CEP162: variants seen among roughly 807,000 people sequenced by gnomAD.
CEP162 encodes centrosomal protein 162.
Under a neutral mutation model 169.2 loss-of-function variants are expected in CEP162, and 141 were observed. The ratio of observed to expected loss-of-function variants is 0.83; its 90% CI spans 0.73 to 0.96. The LOEUF is 0.96. Ranked by LOEUF, CEP162 falls within the 40% of genes least tolerant of loss-of-function variation. CEP162 has a pLI of 0.00. For missense variants in CEP162, 1,600 were observed against 1,587.2 expected (o/e 1.01, Z -0.14); for synonymous variants, 540 against 526.4 (o/e 1.03, Z -0.35).
chr6:84,146,126 T>C (rs1259132016), intron 25 of CEP162, among the ~76,000 whole-genome samples: 2 of 152,108 alleles, frequency 1.3e-5, no homozygotes, highest in African/African-American at 4.8e-5. Context: ...TGTTTTCCTC[T>C]TCCTTTGCCA....
chr6:84,171,775 T>C (rs2099530241), intron 16 of CEP162, 57 bp from the exon 17 acceptor site: 4 of 667,622 alleles, frequency 6.0e-6, no homozygotes, highest in Non-Finnish European at 9.5e-6. Context: ...TTATATAACA[T>C]AATATATGTG....
intron 9 of CEP162, among the ~76,000 whole-genome samples, chr6:84,198,902 T>C (rs551260788): frequency 6.6e-6 from 1 of 152,324 alleles, no homozygotes; most frequent in African/African-American, 2.4e-5. Context: ...AACATTATAA[T>C]AGAACCTAAT....
Position 84,149,687 on chromosome 6 carries a change from C to A in CEP162, c.3646G>T (p.Ala1216Ser). The A allele has an allele frequency of 6.4e-7, 1 of 1,558,858 alleles. No individual in the cohort carries two copies. The highest frequency in any genetic ancestry group is 8.7e-7 in the Non-Finnish European group (1 of 1,152,324). Reference protein sequence around the residue: ...NSMRRVKEDTAAHIASLKASH... With the variant: ...NSMRRVKEDTSAHIASLKASH... ...GCTTTGAGGGATGCAATGTGTGCTG[C>A]AGTATCTTCCTTGACCCTACAGAGC... is the stretch of plus-strand genomic sequence containing the variant. The change falls in exon 24 of 27, where the codon GCA becomes TCA. Residue 1216 changes from alanine (A) to serine (S), a missense_variant. Ala to Ser is a moderately conservative substitution (Grantham distance 99). Transcript: ENST00000403245.
intron 11 of CEP162, among the ~76,000 whole-genome samples, chr6:84,191,563 T>C (rs73750540): frequency 0.012 from 1,872 of 152,284 alleles, 47 homozygotes; most frequent in African/African-American, 0.042. Flanking sequence ...GGTGAGGAAG[T>C]ATATAACCCT....
chr6:84,183,743 A>G (rs2127710361), intron 13 of CEP162, among the ~76,000 whole-genome samples: 1 of 152,264 alleles, frequency 6.6e-6, no homozygotes, highest in East Asian at 1.9e-4. Flanking sequence ...CTGTTTTACT[A>G]AGTACACTTG....
chr6:84,135,357 G>A (rs2129188179), intron 25 of CEP162, among the ~76,000 whole-genome samples: 1 of 152,298 alleles, frequency 6.6e-6, no homozygotes, highest in East Asian at 1.9e-4. Context: ...GGTGAGTGAA[G>A]ATGCTTTCTT....
Position 84,124,664 on chromosome 6 carries a change from C to A in CEP162, c.*406G>T. On this transcript the variant is annotated 3_prime_UTR_variant, in exon 27 of 27. Coordinates refer to ENST00000403245, the MANE Select transcript of CEP162 (RefSeq NM_014895.4). The stretch of plus-strand genomic sequence containing the variant: ...TTTGGATGATGGGTACACTAGAAGC[C>A]CAATTCCCACCATTATTCAATACAC... The A allele has an allele frequency of 4.2e-6, 1 of 238,292 alleles. No individual in the cohort carries two copies. Among genetic ancestry groups the A allele is most frequent in the Non-Finnish European group, 8.0e-6 (1 of 124,386 alleles). 14.8% of individuals were successfully genotyped at this position (238,292 alleles called of 1,614,324 possible).
At chr6:84,133,591 C>T (rs1012865716) in intron 25 of CEP162, among the ~76,000 whole-genome samples, 1 of 152,196 alleles carries the variant, frequency 6.6e-6, no homozygotes, top group African/African-American at 2.4e-5. Context: ...AGCCTTGCTG[C>T]TGCCTTGCAG....
intron 3 of CEP162, chr6:84,217,655 T>G (rs1412697600): frequency 1.3e-5 from 2 of 152,362 alleles, no homozygotes; most frequent in Non-Finnish European, 2.9e-5. Context: ...GAGAAGCTAT[T>G]AGAGGGAAGA....
At chr6:84,127,692 T>C (rs1480358173) in intron 25 of CEP162, among the ~76,000 whole-genome samples, 1 of 152,184 alleles carries the variant, frequency 6.6e-6, no homozygotes, top group Admixed American at 6.6e-5. Flanking sequence ...GAAAAATGAT[T>C]TTGAGTAATA....
rs187521104 is a variant in CEP162, at chr6:84,187,263, G to A, written c.1110-640C>T. On this transcript the variant is annotated intron_variant, in intron 11 of 26. Transcript: ENST00000403245. ...CAACGTAAGGAAATGTTTTAAATGCGGTTAAATATTGGCAAACTACAGGGT... is the reference window on the plus strand; with the variant it reads ...CAACGTAAGGAAATGTTTTAAATGCAGTTAAATATTGGCAAACTACAGGGT... 4.6e-3 allele frequency among the ~76,000 whole-genome samples: 694 copies of A among 152,134 alleles called. 8 individuals are homozygous for A. Among genetic ancestry groups the A allele is most frequent in the African/African-American group, 0.016 (658 of 41,510 alleles).
intron 25 of CEP162, among the ~76,000 whole-genome samples, chr6:84,133,124 CA>C (rs2099512323): frequency 6.6e-6 from 1 of 152,144 alleles, no homozygotes; most frequent in African/African-American, 2.4e-5. Context: ...GCTTGAGGTC[CA>C]CTCCAGACAC....
At chr6:84,179,508 T>C (rs2099533831) in intron 13 of CEP162, among the ~76,000 whole-genome samples, 1 of 152,198 alleles carries the variant, frequency 6.6e-6, no homozygotes, top group South Asian at 2.1e-4. Flanking sequence ...CACCCACTTT[T>C]TGATGGGGTT....
At chr6:84,127,284 C>T (rs947389933) in intron 25 of CEP162, among the ~76,000 whole-genome samples, 2 of 151,992 alleles carry the variant, frequency 1.3e-5, no homozygotes, top group Non-Finnish European at 2.9e-5. Context: ...CTAACAATAA[C>T]TCTTGTTTTC....
chr6:84,154,762 TTAAAGTAAATTAAA>T (rs2099522505), intron 22 of CEP162, among the ~76,000 whole-genome samples: 1 of 152,220 alleles, frequency 6.6e-6, no homozygotes, highest in East Asian at 1.9e-4. Context: ...AAAATTTTTT[TTAAAGTAAATTAAA>T]TATGTCCTGT....
rs140920012 is a variant in CEP162 at position 84,213,608 on chromosome 6, G to A, written c.504-584C>T. Among the ~76,000 whole-genome samples the A allele has an allele frequency of 3.9e-5, 6 of 152,248 alleles. No individual in the cohort carries two copies. In the East Asian group the frequency reaches 1.2e-3, roughly 29 times the overall value. On this transcript the variant is annotated intron_variant, in intron 5 of 26. Transcript: ENST00000403245. ...CTTTTCAGTCTATCAACCCTATTTA[G>A]TGAGATCGTTAGAGAAACTATAAGA... is the stretch of plus-strand genomic sequence containing the variant.
chr6:84,223,367 C>T (rs1413445923), intron 2 of CEP162, among the ~76,000 whole-genome samples: 1 of 151,640 alleles, frequency 6.6e-6, no homozygotes, highest in African/African-American at 2.4e-5. Flanking sequence ...GGCGTGGTGG[C>T]GCATGCCTGT....
At chr6:84,145,277 T>G (rs1265490395) in intron 25 of CEP162, among the ~76,000 whole-genome samples, 1 of 152,102 alleles carries the variant, frequency 6.6e-6, no homozygotes, top group Non-Finnish European at 1.5e-5. Flanking sequence ...TGGCAAGCCT[T>G]TGGCATGCGT....
At chr6:84,204,848 G>C (rs2099546111) in intron 6 of CEP162, among the ~76,000 whole-genome samples, 1 of 151,944 alleles carries the variant, frequency 6.6e-6, no homozygotes, top group Non-Finnish European at 1.5e-5. Flanking sequence ...TAATAAAGAA[G>C]AGAGAAGAAT....
Sources: allele counts gnomAD v4.1 joint callset (sites outside exome capture counted in the v4.1 genomes callset), GRCh38; gene constraint gnomAD v4.1.1; transcripts MANE v1.5; gene names NCBI Gene and HGNC (gene_info 2026-07-23, HGNC 2026-07-21).